The following TUSC3 variants were observed in gnomAD, a reference collection of about 807,000 sequenced individuals.
TUSC3 encodes dolichyl-diphosphooligosaccharide--protein glycosyltransferase subunit TUSC3.
TUSC3 carries 45 observed loss-of-function variants against 44.8 expected under a neutral mutation model. The ratio of observed to expected loss-of-function variants is 1.00; its 90% CI spans 0.79 to 1.29. TUSC3 has a LOEUF of 1.29. Ranked by LOEUF, TUSC3 falls within the 50% of genes most tolerant of loss-of-function variation. TUSC3 has a pLI of 0.00. For synonymous variants in TUSC3, 212 were observed against 152.9 expected (o/e 1.39, Z -2.85); for missense variants, 519 against 437.9 (o/e 1.19, Z -1.65).
At chr8:15,539,955 C>A (rs1183553657), upstream of TUSC3, among the ~76,000 whole-genome samples, 1 of 152,144 alleles carries the variant, frequency 6.6e-6, no homozygotes, top group South Asian at 2.1e-4. Flanking sequence ...TTGCTGGGGA[C>A]CGCAGGGGCC....
intron 1 of TUSC3, among the ~76,000 whole-genome samples, chr8:15,599,416 G>A (rs905813207): frequency 1.3e-5 from 2 of 151,676 alleles, no homozygotes; most frequent in African/African-American, 4.8e-5. Context: ...TTGGAGAGCA[G>A]AAGTTTTAAA....
intron 1 of TUSC3, among the ~76,000 whole-genome samples, chr8:15,455,435 A>G (rs953723353): frequency 4.0e-5 from 6 of 151,536 alleles, no homozygotes; most frequent in African/African-American, 1.5e-4. Flanking sequence ...GTATACACGT[A>G]TATGTATACA....
Position 15,437,796 on chromosome 8 carries a change from C to T in TUSC3, n.91+20491C>T, listed in dbSNP as rs190945732. ...CTATACCTCGAGTTTCAGATTTTCTCCTACAGTCATGCCTTAAGGACTCAG... is the reference window on the plus strand; with the variant it reads ...CTATACCTCGAGTTTCAGATTTTCTTCTACAGTCATGCCTTAAGGACTCAG... On this transcript the variant is annotated intron_variant and non_coding_transcript_variant, in intron 1 of 5. Coordinates refer to the TUSC3 transcript ENST00000503191. Among the ~76,000 whole-genome samples, 244 of 152,278 alleles carry T rather than the reference C, an allele frequency of 1.6e-3. 1 individual carries two copies. Among genetic ancestry groups the T allele is most frequent in the African/African-American group, 5.6e-3 (232 of 41,568 alleles).
intron 7 of TUSC3, 113 bp downstream of exon 7, chr8:15,730,842 AG>A: frequency 1.0e-6 from 1 of 1,002,376 alleles, no homozygotes; most frequent in African/African-American, 1.6e-5. Flanking sequence ...ATTAAATTTT[AG>A]GCTGTACTAT....
rs145861589 is a variant in TUSC3 at position 15,654,143 on chromosome 8, T to G, written c.426+3329T>G. ...TGAGTTTTTAAGAACCTCTAAAGTT[T>G]TAGAACATTAGGTCTTAGTATGGAT... On this transcript the variant is annotated intron_variant, in intron 3 of 10. Coordinates refer to ENST00000503731, the MANE Select transcript of TUSC3 (RefSeq NM_006765.4). 6.0e-3 allele frequency among the ~76,000 whole-genome samples: 907 copies of G among 152,310 alleles called. 7 individuals are homozygous for G. The highest frequency in any genetic ancestry group is 0.015 in the African/African-American group (637 of 41,566).
At chr8:15,838,383 T>C in the TUSC3 span, among the ~76,000 whole-genome samples, 1 of 152,132 alleles carries the variant, frequency 6.6e-6, no homozygotes, top group Admixed American at 6.6e-5. Context: ...AATAAAGTCA[T>C]AACTATAATG....
chr8:15,660,922 C>A (rs960883598), intron 4 of TUSC3, among the ~76,000 whole-genome samples: 18 of 143,996 alleles, frequency 1.3e-4, no homozygotes, highest in African/African-American at 2.5e-4. Context: ...AAAAAAAAAA[C>A]CCATAAAACT....
the TUSC3 span, among the ~76,000 whole-genome samples, chr8:15,844,358 G>C: frequency 6.6e-6 from 1 of 152,088 alleles, no homozygotes; most frequent in South Asian, 2.1e-4. Flanking sequence ...AAGTATCAAA[G>C]GACAGAGCCT....
intron 1 of TUSC3, among the ~76,000 whole-genome samples, chr8:15,427,016 T>G (rs74820283): frequency 1.3e-5 from 2 of 152,042 alleles, no homozygotes; most frequent in Admixed American, 6.5e-5. Context: ...TACGTCTACA[T>G]TGAAGAAATG....
chr8:15,437,044 G>A (rs1274878540), intron 1 of TUSC3, among the ~76,000 whole-genome samples: 1 of 152,052 alleles, frequency 6.6e-6, no homozygotes, highest in Admixed American at 6.6e-5. Context: ...CTCAAAAATT[G>A]TTTTCCATTA....
chr8:15,834,051 A>G, the TUSC3 span, among the ~76,000 whole-genome samples: 3 of 152,086 alleles, frequency 2.0e-5, no homozygotes, highest in Non-Finnish European at 4.4e-5. Context: ...GAGTATCACA[A>G]TGAATTAGCT....
At position 15,497,714 on chromosome 8, in the gene TUSC3, CTTTCTT is replaced by C. The variant is rs1274751446; in HGVS notation, n.189+14239_189+14244del. On this transcript the variant is annotated intron_variant and non_coding_transcript_variant, in intron 2 of 5. Transcript: ENST00000503191. ...GCACGCAAGAGAAGTTTTCTTTTTT[CTTTCTT>C]TTTCTTTGTTTCTTCTTCTTTTTTT... Among the ~76,000 whole-genome samples, 4 of 149,806 alleles carry C rather than the reference CTTTCTT, an allele frequency of 2.7e-5. No individual in the cohort carries two copies. In the East Asian group the frequency reaches 8.0e-4, roughly 30 times the overall value.
downstream of TUSC3, among the ~76,000 whole-genome samples, chr8:15,771,054 A>C (rs1812432695): frequency 6.6e-6 from 1 of 152,222 alleles, no homozygotes; most frequent in Non-Finnish European, 1.5e-5. Flanking sequence ...ATCCTCAGTA[A>C]GATTAATAGC....
chr8:15,543,925 TG>T (rs1801777300), intron 1 of TUSC3, among the ~76,000 whole-genome samples: 1 of 151,706 alleles, frequency 6.6e-6, no homozygotes, highest in Non-Finnish European at 1.5e-5. Context: ...TGTGTGTGTG[TG>T]TGTGTGTGTA....
intron 1 of TUSC3, among the ~76,000 whole-genome samples, chr8:15,548,069 C>G (rs1801934641): frequency 6.6e-6 from 1 of 151,556 alleles, no homozygotes; most frequent in Non-Finnish European, 1.5e-5. Flanking sequence ...TTCACCAGAA[C>G]CCGACCATGC....
chr8:15,473,215 G>C (rs1267320743), intron 1 of TUSC3, among the ~76,000 whole-genome samples: 1 of 152,168 alleles, frequency 6.6e-6, no homozygotes, highest in East Asian at 1.9e-4. Flanking sequence ...ATATTTGGAA[G>C]ATGTGGTATT....
intron 1 of TUSC3, among the ~76,000 whole-genome samples, chr8:15,424,752 T>C (rs976907437): frequency 2.0e-5 from 3 of 151,990 alleles, no homozygotes; most frequent in Non-Finnish European, 4.4e-5. Flanking sequence ...TGGTGGCACA[T>C]GCCTGTGGGC....
At chr8:15,758,999 G>C (rs1248384843) in intron 10 of TUSC3, among the ~76,000 whole-genome samples, 1 of 152,092 alleles carries the variant, frequency 6.6e-6, no homozygotes, top group Non-Finnish European at 1.5e-5. Context: ...ACAGAGAAGA[G>C]AGCCCCAGGA....
At chr8:15,653,373 T>A (rs1330319503) in intron 3 of TUSC3, among the ~76,000 whole-genome samples, 1 of 152,202 alleles carries the variant, frequency 6.6e-6, no homozygotes, top group Admixed American at 6.5e-5. Flanking sequence ...AATTCATATT[T>A]TTTTTTAAAA....
Sources: gnomAD v4.1 joint callset for allele counts (sites outside exome capture counted in the v4.1 genomes callset) on GRCh38, gnomAD v4.1.1 for gene constraint, MANE v1.5 for transcripts, NCBI Gene and HGNC (gene_info 2026-07-23, HGNC 2026-07-21) for gene names.